Variants in RAB20 observed in about 807,000 individuals in gnomAD.
The protein encoded by RAB20 is ras-related protein Rab-20.
Under a neutral mutation model 3.7 loss-of-function variants are expected in RAB20, and 2 were observed. The ratio of observed to expected loss-of-function variants is 0.54; its 90% CI spans 0.22 to 1.69. The LOEUF is 1.69. RAB20 is among the 40% of genes most tolerant of loss of function. The pLI is 0.19. For synonymous variants in RAB20, 126 were observed against 130.8 expected, an observed-to-expected ratio of 0.96 and a Z score of 0.25; for missense variants, 276 against 311.9, an observed-to-expected ratio of 0.88 and a Z score of 0.87.
chr13:110,532,189 C>A (rs1884553030), intron 1 of RAB20, among the ~76,000 whole-genome samples: 1 of 152,152 alleles, frequency 6.6e-6, no homozygotes, highest in Non-Finnish European at 1.5e-5. Flanking sequence ...TTTGTATCAG[C>A]TTTAAAAGCG....
chr13:110,525,521 A>C (rs1884414134), intron 1 of RAB20, among the ~76,000 whole-genome samples: 1 of 152,220 alleles, frequency 6.6e-6, no homozygotes, highest in South Asian at 2.1e-4. Context: ...GCTCCCTGCC[A>C]GTCCACTCAA....
At chr13:110,551,598 G>A (rs957986115) in intron 1 of RAB20, among the ~76,000 whole-genome samples, 1 of 152,162 alleles carries the variant, frequency 6.6e-6, no homozygotes, top group African/African-American at 2.4e-5. Flanking sequence ...ACCTGCCTGG[G>A]CCAGCGTTCG....
intron 1 of RAB20, among the ~76,000 whole-genome samples, chr13:110,525,913 G>A (rs894124030): frequency 2.6e-5 from 4 of 152,250 alleles, no homozygotes; most frequent in Non-Finnish European, 1.5e-5. Flanking sequence ...CTTCACAGAC[G>A]CTCCTGGTGA....
chr13:110,557,930 G>A (rs550337637), intron 1 of RAB20, among the ~76,000 whole-genome samples: 28 of 152,380 alleles, frequency 1.8e-4, no homozygotes, highest in Admixed American at 1.2e-3. Flanking sequence ...TCAGCCTGTC[G>A]TATTTTCTTC....
intron 1 of RAB20, among the ~76,000 whole-genome samples, chr13:110,528,605 G>A (rs1243021615): frequency 2.0e-5 from 3 of 152,100 alleles, no homozygotes; most frequent in Non-Finnish European, 4.4e-5. Flanking sequence ...ATGGGAATGC[G>A]GAGTCAGGGG....
At position 110,528,038 on chromosome 13, in the gene RAB20, G is replaced by A. The variant is rs1884463113; in HGVS notation, c.173-3841C>T. Among the ~76,000 whole-genome samples, 4 of 151,956 alleles carry A rather than the reference G, an allele frequency of 2.6e-5. No individual in the cohort carries two copies. The South Asian group carries it at 8.3e-4, about 32-fold the overall frequency. ...AGACTGCTTGAGCCAAGGAGTTCGAGGCTGCAATAAGCTATGATCATGCCA... is the reference window on the plus strand; with the variant it reads ...AGACTGCTTGAGCCAAGGAGTTCGAAGCTGCAATAAGCTATGATCATGCCA... On this transcript the variant is annotated intron_variant, in intron 1 of 1. Transcript: ENST00000267328.
At chr13:110,546,292 C>T (rs1165685324) in intron 1 of RAB20, among the ~76,000 whole-genome samples, 1 of 152,166 alleles carries the variant, frequency 6.6e-6, no homozygotes, top group Non-Finnish European at 1.5e-5. Flanking sequence ...TTTAAGAAGA[C>T]ATCACTGAGA....
intron 1 of RAB20, among the ~76,000 whole-genome samples, chr13:110,529,033 A>G (rs1227862719): frequency 2.0e-5 from 3 of 152,244 alleles, no homozygotes; most frequent in Non-Finnish European, 4.4e-5. Flanking sequence ...GCTCTCAATG[A>G]GCGCATTGTC....
rs755108146 is a variant in RAB20 at position 110,555,172 on chromosome 13, T to C, written c.172+6176A>G. Among the ~76,000 whole-genome samples, 13 of 152,184 alleles carry C rather than the reference T, an allele frequency of 8.5e-5. No individual in the cohort carries two copies. Among genetic ancestry groups the C allele is most frequent in the Non-Finnish European group, 1.5e-4 (10 of 68,036 alleles). ...GGGACCCACATACAGTGGCAATTAC[T>C]GTAAGTGTTGGAAGCACGAGTTTCG... On this transcript the variant is annotated intron_variant, in intron 1 of 1. Coordinates refer to ENST00000267328, the MANE Select transcript of RAB20 (RefSeq NM_017817.3). The surrounding 1 kb of genome is among the most constrained non-coding windows in gnomAD (Gnocchi z 4.0).
chr13:110,541,844 TCA>T (rs1369154919), intron 1 of RAB20, among the ~76,000 whole-genome samples: 1 of 120,372 alleles, frequency 8.3e-6, no homozygotes, highest in East Asian at 3.0e-4. Context: ...ACACACACTC[TCA>T]CATACATGCA....
intron 1 of RAB20, among the ~76,000 whole-genome samples, chr13:110,530,046 T>C (rs536154153): frequency 7.9e-5 from 12 of 152,152 alleles, no homozygotes; most frequent in African/African-American, 2.9e-4. Context: ...ACCAGGACTT[T>C]AACCGTGAGT....
At chr13:110,529,868 C>T (rs1371511448) in intron 1 of RAB20, among the ~76,000 whole-genome samples, 1 of 152,146 alleles carries the variant, frequency 6.6e-6, no homozygotes, top group Non-Finnish European at 1.5e-5. Context: ...AATTATTACT[C>T]GTCTATGTAG....
At chr13:110,529,948 G>GTAC (rs1884501868) in intron 1 of RAB20, among the ~76,000 whole-genome samples, 1 of 152,348 alleles carries the variant, frequency 6.6e-6, no homozygotes, top group Admixed American at 6.5e-5. Flanking sequence ...ATTACCCCTG[G>GTAC]TGGTGAGGGA....
chr13:110,528,280 G>A (rs990462058), intron 1 of RAB20, among the ~76,000 whole-genome samples: 8 of 152,014 alleles, frequency 5.3e-5, no homozygotes, highest in African/African-American at 1.9e-4. Context: ...GCCAGGCATG[G>A]TGGCATGTGC....
chr13:110,536,318 T>C (rs535259658), intron 1 of RAB20, among the ~76,000 whole-genome samples: 1 of 152,248 alleles, frequency 6.6e-6, no homozygotes, highest in Admixed American at 6.5e-5. Context: ...CCCTCCCACT[T>C]TGTGGAACTT....
chr13:110,531,211 G>C (rs924357387), intron 1 of RAB20, among the ~76,000 whole-genome samples: 1 of 152,194 alleles, frequency 6.6e-6, no homozygotes, highest in East Asian at 1.9e-4. Context: ...GCTGGCAACA[G>C]GCACCCCAGG....
intron 1 of RAB20, among the ~76,000 whole-genome samples, 165 bp from the exon 2 acceptor site, chr13:110,524,362 C>A (rs1242477885): frequency 6.6e-6 from 1 of 152,200 alleles, no homozygotes; most frequent in Non-Finnish European, 1.5e-5. Flanking sequence ...CCCATGGGCA[C>A]CATCCCCAAA....
chr13:110,548,952 C>T (rs1222815681), intron 1 of RAB20, among the ~76,000 whole-genome samples: 2 of 152,210 alleles, frequency 1.3e-5, no homozygotes, highest in African/African-American at 4.8e-5. Context: ...GGGCTCCAGC[C>T]AGGTAAGGGC....
intron 1 of RAB20, among the ~76,000 whole-genome samples, chr13:110,533,845 G>A (rs1251815775): frequency 1.2e-4 from 18 of 152,238 alleles, no homozygotes; most frequent in Admixed American, 1.0e-3. Flanking sequence ...ATGGAGCTGG[G>A]CTGCCTGGAG....
Sources: allele counts gnomAD v4.1 joint callset (sites outside exome capture counted in the v4.1 genomes callset), GRCh38; gene constraint gnomAD v4.1.1; non-coding constraint Gnocchi (gnomAD v3.1); transcripts MANE v1.5; gene names NCBI Gene and HGNC (gene_info 2026-07-23, HGNC 2026-07-21).